Variants in KCND3 observed in about 807,000 individuals in gnomAD.
The protein encoded by KCND3 is A-type voltage-gated potassium channel KCND3.
KCND3 carries 9 observed loss-of-function variants against 51.1 expected under a neutral mutation model. The ratio of observed to expected loss-of-function variants is 0.18; its 90% CI spans 0.11 to 0.31. The LOEUF is 0.31. Among genes scored for constraint, KCND3 ranks in the 10% least tolerant of loss-of-function variants. The pLI, the probability that KCND3 is intolerant of heterozygous loss-of-function variation, is 1.00. For synonymous variants in KCND3, 349 were observed against 368.0 expected (o/e 0.95, Z 0.59); for missense variants, 526 against 903.8 (o/e 0.58, Z 5.36).
At chr1:111,886,908 G>A (rs1473162447) in intron 2 of KCND3, among the ~76,000 whole-genome samples, 1 of 152,176 alleles carries the variant, frequency 6.6e-6, no homozygotes, top group African/African-American at 2.4e-5. Context: ...ATTAACAGAG[G>A]GGTAAACACT....
chr1:111,831,991 A>G (rs1405051751), intron 2 of KCND3, among the ~76,000 whole-genome samples: 1 of 152,192 alleles, frequency 6.6e-6, no homozygotes, highest in East Asian at 1.9e-4. Flanking sequence ...TGGTTATGGA[A>G]GCCCACTGAA....
chr1:111,977,784 T>A (rs774736777), intron 2 of KCND3, among the ~76,000 whole-genome samples: 2 of 152,362 alleles, frequency 1.3e-5, no homozygotes, highest in Non-Finnish European at 2.9e-5. Context: ...CAAATGAAGT[T>A]AAGAAGGGAA....
chr1:111,901,219 G>A (rs1670367223), intron 2 of KCND3, among the ~76,000 whole-genome samples: 1 of 152,110 alleles, frequency 6.6e-6, no homozygotes, highest in Admixed American at 6.5e-5. Flanking sequence ...TCTAGCAGCT[G>A]CCCCTGGAGT....
At chr1:111,921,814 GA>G (rs1177083328) in intron 2 of KCND3, among the ~76,000 whole-genome samples, 1 of 151,730 alleles carries the variant, frequency 6.6e-6, no homozygotes, top group Non-Finnish European at 1.5e-5. Context: ...TTCATTGCAT[GA>G]AAAAAAAGCT....
At chr1:111,928,398 CA>C (rs112323114) in intron 2 of KCND3, among the ~76,000 whole-genome samples, 2,700 of 152,194 alleles carry the variant, frequency 0.018, 66 homozygotes, top group African/African-American at 0.061. Flanking sequence ...TACCTTCCCA[CA>C]AAAAACGCAG....
At chr1:111,911,306 T>C (rs534580263) in intron 2 of KCND3, among the ~76,000 whole-genome samples, 1 of 152,208 alleles carries the variant, frequency 6.6e-6, no homozygotes, top group Non-Finnish European at 1.5e-5. Flanking sequence ...GATTTGGTAT[T>C]AGAAGGCAGC....
At chr1:111,895,968 C>T (rs1392092361) in intron 2 of KCND3, among the ~76,000 whole-genome samples, 2 of 152,242 alleles carry the variant, frequency 1.3e-5, no homozygotes, top group African/African-American at 4.8e-5. Flanking sequence ...TCTGCCATCC[C>T]CTCAGGCATG....
intron 2 of KCND3, among the ~76,000 whole-genome samples, chr1:111,805,497 T>A (rs943105609): frequency 6.6e-6 from 1 of 152,246 alleles, no homozygotes; most frequent in South Asian, 2.1e-4. Context: ...GACTGACACA[T>A]ACCCTGTGCA....
chr1:111,814,479 A>G (rs1767282), intron 2 of KCND3, among the ~76,000 whole-genome samples: 21,248 of 152,224 alleles, frequency 0.14, 2,535 homozygotes, highest in African/African-American at 0.33. Context: ...CTGAGGCCTG[A>G]ACTGTGTCGA....
intron 1 of KCND3, among the ~76,000 whole-genome samples, chr1:111,987,000 T>G (rs1326077979): frequency 6.6e-6 from 1 of 152,138 alleles, no homozygotes; most frequent in Non-Finnish European, 1.5e-5. Context: ...TATCCCAGAA[T>G]AAAGCTCAGA....
chr1:111,811,637 G>T (rs376979840), intron 2 of KCND3, among the ~76,000 whole-genome samples: 1 of 152,116 alleles, frequency 6.6e-6, no homozygotes, highest in Non-Finnish European at 1.5e-5. Context: ...TCTTCGGATC[G>T]TCCACCCCTA....
chr1:111,782,211 TCA>T, intron 3 of KCND3, among the ~76,000 whole-genome samples: 1 of 152,166 alleles, frequency 6.6e-6, no homozygotes, highest in Non-Finnish European at 1.5e-5. Flanking sequence ...GGCCACAGTC[TCA>T]GGGGTTCAGG....
chr1:111,941,050 A>G (rs1440398124), intron 2 of KCND3, among the ~76,000 whole-genome samples: 1 of 152,224 alleles, frequency 6.6e-6, no homozygotes, highest in Non-Finnish European at 1.5e-5. Context: ...CTCAAAGGAA[A>G]GCAGCGGGGC....
chr1:111,936,594 G>C (rs1672234007), intron 2 of KCND3, among the ~76,000 whole-genome samples: 1 of 152,132 alleles, frequency 6.6e-6, no homozygotes, highest in Non-Finnish European at 1.5e-5. Flanking sequence ...GTTGAGGCTG[G>C]TGTGGGAAGC....
chr1:111,927,891 G>A (rs1156303009), intron 2 of KCND3, among the ~76,000 whole-genome samples: 2 of 152,082 alleles, frequency 1.3e-5, no homozygotes, highest in African/African-American at 2.4e-5. Flanking sequence ...TGCTCCTGCC[G>A]GCCTGTCTGC....
intron 2 of KCND3, among the ~76,000 whole-genome samples, chr1:111,914,361 AG>A (rs1461913930): frequency 6.6e-6 from 1 of 152,018 alleles, no homozygotes; most frequent in Non-Finnish European, 1.5e-5. Flanking sequence ...CAAAAAGAAG[AG>A]AAACACAGAA....
intron 2 of KCND3, among the ~76,000 whole-genome samples, chr1:111,908,038 G>C (rs1376601523): frequency 6.6e-6 from 1 of 152,218 alleles, no homozygotes; most frequent in Non-Finnish European, 1.5e-5. Context: ...CACTGCAGAG[G>C]AGCCTGCAGC....
At chr1:111,909,407 C>G (rs774234723) in intron 2 of KCND3, 4 of 152,114 alleles carry the variant, frequency 2.6e-5, no homozygotes. Flanking sequence ...GCCAAGGGAT[C>G]GAGAGTCAGA....
chr1:111,903,727 T>C (rs1207901125), intron 2 of KCND3, among the ~76,000 whole-genome samples: 3 of 152,228 alleles, frequency 2.0e-5, no homozygotes, highest in African/African-American at 7.2e-5. Flanking sequence ...GGTGGTCATC[T>C]GCCTTCAGTC....
Sources: gnomAD v4.1 joint callset for allele counts (sites outside exome capture counted in the v4.1 genomes callset) on GRCh38, gnomAD v4.1.1 for gene constraint, MANE v1.5 for transcripts, NCBI Gene and HGNC (gene_info 2026-07-23, HGNC 2026-07-21) for gene names.